Variants in ZNF451 observed in about 807,000 individuals in gnomAD.
ZNF451 encodes the protein zinc finger protein 451.
Under a neutral mutation model 107.1 loss-of-function variants are expected in ZNF451, and 80 were observed. The observed-to-expected ratio is 0.75, with a 90% CI of 0.62 to 0.90. The LOEUF is 0.90. Ranked by LOEUF, ZNF451 falls within the 40% of genes least tolerant of loss-of-function variation. ZNF451 has a pLI of 0.00. For synonymous variants in ZNF451, 362 were observed against 406.5 expected, an observed-to-expected ratio of 0.89 and a Z score of 1.32; for missense variants, 1,107 against 1,236.2, an observed-to-expected ratio of 0.90 and a Z score of 1.57.
intron 7 of ZNF451, among the ~76,000 whole-genome samples, chr6:57,135,237 G>A (rs750521836): frequency 6.6e-6 from 1 of 152,072 alleles, no homozygotes; most frequent in Non-Finnish European, 1.5e-5. Flanking sequence ...TAAATGACAA[G>A]TTATTAATGC....
chr6:57,149,915 C>A (rs981580321), intron 10 of ZNF451, among the ~76,000 whole-genome samples: 1 of 151,482 alleles, frequency 6.6e-6, no homozygotes, highest in African/African-American at 2.4e-5. Context: ...AGAGAAAAGA[C>A]GTAAGGTGGC....
intron 3 of ZNF451, chr6:57,104,528 A>G: frequency 2.0e-6 from 2 of 985,346 alleles, no homozygotes; most frequent in Non-Finnish European, 2.4e-6. Context: ...TATGCCTGAG[A>G]ATGCGTTTGT....
chr6:57,105,198 T>C (rs1829792126), intron 3 of ZNF451: 1 of 985,230 alleles, frequency 1.0e-6, no homozygotes, highest in Admixed American at 6.1e-5. Context: ...TAAATACCTC[T>C]AGGTTTTCTA....
At position 57,148,673 on chromosome 6, in the gene ZNF451, A is replaced by C; in HGVS notation, c.2588A>C (p.Asp863Ala). 1 of 1,610,344 alleles carries C rather than the reference A, an allele frequency of 6.2e-7. No individual in the cohort carries two copies. The highest frequency in any genetic ancestry group is 1.7e-5 in the Admixed American group (1 of 59,576). The change falls in exon 10 of 15, where the codon GAC (aspartate) becomes GCC (alanine). Residue 863 changes from aspartate to alanine, a missense_variant. By Grantham distance (126) the Asp-to-Ala change is moderately radical. This residue lies in a region of ZNF451 where 608 missense variants were observed against 649.2 expected (regional missense o/e 0.94). Transcript: ENST00000370706. Reference sequence around the variant, plus strand: ...GACATGGAGAAAGGAGTTGAGAATGACCTAAGCTATCAGAATATAGGTATG... The same window carrying C: ...GACATGGAGAAAGGAGTTGAGAATGCCCTAAGCTATCAGAATATAGGTATG... ...SLDMEKGVEN[D>A]LSYQNIEEEI...
intron 3 of ZNF451, chr6:57,101,064 C>A: frequency 6.4e-7 from 1 of 1,550,774 alleles, no homozygotes; most frequent in Non-Finnish European, 8.7e-7. Context: ...GTGAGAACTC[C>A]TCAGTTCCTT....
At chr6:57,131,889 A>G (rs1334601851) in intron 5 of ZNF451, among the ~76,000 whole-genome samples, 5 of 152,166 alleles carry the variant, frequency 3.3e-5, no homozygotes, top group Admixed American at 2.0e-4. Flanking sequence ...TTGTTTTGCA[A>G]TTGTTTTTTA....
intron 5 of ZNF451, 72 bp downstream of exon 5, chr6:57,128,912 A>G: frequency 9.3e-7 from 1 of 1,079,436 alleles, no homozygotes; most frequent in South Asian, 1.4e-5. Flanking sequence ...CGTCTGTTTT[A>G]TGCTATTGCT....
At chr6:57,160,215 G>A (rs984668071) in intron 13 of ZNF451, among the ~76,000 whole-genome samples, 16 of 151,918 alleles carry the variant, frequency 1.1e-4, no homozygotes, top group Admixed American at 7.9e-4. Context: ...CATAATTCAC[G>A]GAACAATATT....
chr6:57,159,306 T>C, intron 13 of ZNF451: 1 of 985,414 alleles, frequency 1.0e-6, no homozygotes, highest in Non-Finnish European at 1.2e-6. Flanking sequence ...GCCTTAGGCC[T>C]TGCATGCAAT....
chr6:57,139,698 A>G (rs921068893), intron 7 of ZNF451, among the ~76,000 whole-genome samples: 10 of 152,212 alleles, frequency 6.6e-5, no homozygotes, highest in Non-Finnish European at 2.9e-5. Context: ...AACAAGGTTT[A>G]GAAACTTAGA....
intron 3 of ZNF451, chr6:57,103,762 T>A (rs1032810150): frequency 4.1e-6 from 4 of 985,262 alleles, no homozygotes; most frequent in Non-Finnish European, 4.8e-6. Flanking sequence ...TTTATGTGGC[T>A]TCTGTTCTTG....
rs370892354 is a variant in ZNF451, at chr6:57,163,979, C to T, written c.3139+2827C>T. Among the ~76,000 whole-genome samples, 36 of 152,282 alleles carry T rather than the reference C, an allele frequency of 2.4e-4. No individual in the cohort carries two copies. The East Asian group carries it at 6.6e-3, about 28-fold the overall frequency. On this transcript the variant is annotated intron_variant, in intron 14 of 14. Transcript: ENST00000370706. ...AGTGTCTTTTTATTCCTTCCTTTCC[C>T]AGTACAACTCTGTAAATGCCTGAGA... is the stretch of plus-strand genomic sequence containing the variant.
At chr6:57,155,472 C>G (rs9475783) in intron 13 of ZNF451, among the ~76,000 whole-genome samples, 17,757 of 152,184 alleles carry the variant, frequency 0.12, 1,259 homozygotes, top group African/African-American at 0.19. Context: ...GGCAATAAGA[C>G]CAAAAACTTC....
chr6:57,163,903 C>T (rs978856082), intron 14 of ZNF451, among the ~76,000 whole-genome samples: 1 of 152,114 alleles, frequency 6.6e-6, no homozygotes, highest in African/African-American at 2.4e-5. Flanking sequence ...AAATAATGTT[C>T]TAGTCTAGAC....
intron 5 of ZNF451, among the ~76,000 whole-genome samples, chr6:57,131,183 C>A (rs1490674998): frequency 6.6e-6 from 1 of 151,950 alleles, no homozygotes; most frequent in Non-Finnish European, 1.5e-5. Flanking sequence ...ATTTTAAGTA[C>A]CTTATTTATA....
At chr6:57,132,108 G>A (rs1831204964) in intron 5 of ZNF451, among the ~76,000 whole-genome samples, 2 of 152,022 alleles carry the variant, frequency 1.3e-5, no homozygotes, top group Admixed American at 6.6e-5. Flanking sequence ...CTTTTTAAAG[G>A]GAAAAAGAGA....
chr6:57,123,262 CCAT>C (rs1485131339), intron 3 of ZNF451, among the ~76,000 whole-genome samples: 1 of 152,138 alleles, frequency 6.6e-6, no homozygotes, highest in African/African-American at 2.4e-5. Flanking sequence ...ACCTATGTGC[CCAT>C]CATCAGTGGA....
rs1314874005 is a variant in ZNF451, at chr6:57,147,870, T to C, written c.1785T>C (p.His595=). Residue 595 remains histidine (H), a synonymous_variant, in exon 10 of 15, where the codon CAT becomes CAC. Transcript: ENST00000370706. Reference sequence around the variant, plus strand: ...CATCAGCTATTACTGTTATTGATCATTCCCCGGCAAATAGTTCTCCGAGGG... The same window carrying C: ...CATCAGCTATTACTGTTATTGATCACTCCCCGGCAAATAGTTCTCCGAGGG... ...KPSSAITVID[H]SPANSSPRGK... is the part of the protein sequence containing the mutation. 8 of 1,613,956 alleles carry C rather than the reference T, an allele frequency of 5.0e-6. No homozygotes were observed. Among genetic ancestry groups the C allele is most frequent in the Admixed American group, 1.7e-5 (1 of 60,004 alleles).
intron 12 of ZNF451, 77 bp downstream of exon 12, chr6:57,152,428 G>C: frequency 6.6e-7 from 1 of 1,513,598 alleles, no homozygotes; most frequent in Non-Finnish European, 9.1e-7. Flanking sequence ...GAATTGTAAT[G>C]AGACTTATAG....
Sources: gnomAD v4.1 joint callset for allele counts (sites outside exome capture counted in the v4.1 genomes callset) on GRCh38, gnomAD v4.1.1 for gene constraint, gnomAD v4.1.1 regional missense constraint, MANE v1.5 for transcripts, NCBI Gene and HGNC (gene_info 2026-07-23, HGNC 2026-07-21) for gene names.